Variants in TMIE observed in about 807,000 individuals in gnomAD.
TMIE encodes transmembrane inner ear expressed protein.
Under a neutral mutation model 16.8 loss-of-function variants are expected in TMIE, and 14 were observed. The ratio of observed to expected loss-of-function variants is 0.83; its 90% CI spans 0.55 to 1.30. The LOEUF (loss-of-function observed/expected upper bound fraction) is 1.30. TMIE is among the 50% of genes most tolerant of loss of function. The pLI is 0.00. For missense variants in TMIE, 204 were observed against 205.9 expected (o/e 0.99, Z 0.06); for synonymous variants, 75 against 87.2 (o/e 0.86, Z 0.78).
In TMIE at chr3:46,710,600, C is replaced by G. The variant is rs1315291364; in HGVS notation, c.*912C>G. On this transcript the variant is annotated 3_prime_UTR_variant, in exon 4 of 4. Coordinates refer to ENST00000643606, the MANE Select transcript of TMIE (RefSeq NM_147196.3). ...CCCTAGAAGATCACAGCAGGGCCTTCTGCCTGCTGACCATAACAGTGCCAG... is the reference window on the plus strand; with the variant it reads ...CCCTAGAAGATCACAGCAGGGCCTTGTGCCTGCTGACCATAACAGTGCCAG... 2 of 152,276 alleles carry G rather than the reference C, an allele frequency of 1.3e-5. No homozygotes were observed. The allele number at this position is 152,276 out of a possible 1,614,324, so 9.4% of individuals were successfully genotyped here.
At chr3:46,699,379 T>G (rs1337146380), upstream of TMIE, among the ~76,000 whole-genome samples, 1 of 152,200 alleles carries the variant, frequency 6.6e-6, no homozygotes, top group East Asian at 1.9e-4. Context: ...CTAAATGGTG[T>G]TTCTCATACA....
At chr3:46,695,423 G>A (rs1700392161) in intron 1 of TMIE, among the ~76,000 whole-genome samples, 2 of 152,174 alleles carry the variant, frequency 1.3e-5, no homozygotes, top group Non-Finnish European at 1.5e-5. Context: ...CCTCCTTCTC[G>A]GGGTTATGTG....
upstream of TMIE, among the ~76,000 whole-genome samples, chr3:46,697,748 A>T (rs1700423460): frequency 6.6e-6 from 1 of 151,966 alleles, no homozygotes. Flanking sequence ...AATCTGTGGG[A>T]TCTGACACTA....
chr3:46,701,034 C>A (rs1300787256), upstream of TMIE, among the ~76,000 whole-genome samples: 1 of 151,770 alleles, frequency 6.6e-6, no homozygotes, highest in Non-Finnish European at 1.5e-5. This position sits in a 1 kb window ranked among gnomAD's most constrained non-coding sequence, Gnocchi z 4.3. Context: ...CCGCTCTGCC[C>A]CCCCCCCAAA....
At chr3:46,693,872 C>T (rs1700326964), upstream of TMIE, among the ~76,000 whole-genome samples, 1 of 152,112 alleles carries the variant, frequency 6.6e-6, no homozygotes, top group East Asian at 1.9e-4. Flanking sequence ...CCTGAGGCCT[C>T]CCTCTGGCGT....
Position 46,709,849 on chromosome 3 carries a change from A to G in TMIE, c.*161A>G. The G allele has an allele frequency of 6.9e-7, 1 of 1,447,342 alleles. No individual in the cohort carries two copies. Among genetic ancestry groups the G allele is most frequent in the Non-Finnish European group, 9.4e-7 (1 of 1,065,262 alleles). 89.7% of individuals were successfully genotyped at this position (1,447,342 alleles called of 1,614,324 possible). A position where few individuals can be genotyped will look rare whatever the true frequency, so the allele number is the denominator to read the frequency against. On this transcript the variant is annotated 3_prime_UTR_variant, in exon 4 of 4. Coordinates refer to ENST00000643606, the MANE Select transcript of TMIE (RefSeq NM_147196.3). ...TCCTCATGGCCCATCAGGGGCAGGA[A>G]CCAGACAATCTCGTAGGTGTCCTGC... is the stretch of plus-strand genomic sequence containing the variant.
chr3:46,697,420 C>T (rs1700420707), upstream of TMIE, among the ~76,000 whole-genome samples: 1 of 152,234 alleles, frequency 6.6e-6, no homozygotes, highest in Non-Finnish European at 1.5e-5. Flanking sequence ...CCCAAGAGGA[C>T]AGGGTTCAGA....
chr3:46,709,552 A>G, intron 3 of TMIE, 27 bp from the exon 4 acceptor site: 1 of 1,613,014 alleles, frequency 6.2e-7, no homozygotes, highest in Non-Finnish European at 8.5e-7. Context: ...CACCACTATC[A>G]CATGGTCTCT....
upstream of TMIE, among the ~76,000 whole-genome samples, chr3:46,699,864 C>T (rs76140870): frequency 1.4e-3 from 209 of 152,326 alleles, no homozygotes; most frequent in Non-Finnish European, 2.2e-3. Context: ...TTCATATCAT[C>T]CTCACATCAA....
At chr3:46,703,102 C>T (rs544437815) in intron 1 of TMIE, among the ~76,000 whole-genome samples, 1 of 152,208 alleles carries the variant, frequency 6.6e-6, no homozygotes, top group South Asian at 2.1e-4. Flanking sequence ...TCTTCCCTCA[C>T]GGAAGCACCA....
rs559640559 is a variant in TMIE at position 46,710,001 on chromosome 3, C to T, written c.*313C>T. ...CACCCAGACCTGCCTGTCTCCCACC[C>T]TTTCTGCCAGGGATGGCAGTGGCTG... On this transcript the variant is annotated 3_prime_UTR_variant, in exon 4 of 4. Coordinates refer to ENST00000643606, the MANE Select transcript of TMIE (RefSeq NM_147196.3). 3.6e-4 allele frequency: 159 copies of T among 441,370 alleles called. No individual in the cohort carries two copies. The highest frequency in any genetic ancestry group is 2.9e-3 in the African/African-American group (144 of 50,042). 27.3% of individuals were successfully genotyped at this position (441,370 alleles called of 1,614,324 possible).
chr3:46,707,857 G>T (rs766421781), intron 2 of TMIE, among the ~76,000 whole-genome samples: 1 of 152,222 alleles, frequency 6.6e-6, no homozygotes, highest in Non-Finnish European at 1.5e-5. Flanking sequence ...CTGGTGGGGT[G>T]GCTAGAAGAG....
intron 2 of TMIE, among the ~76,000 whole-genome samples, chr3:46,706,477 TC>T (rs1461801963): frequency 2.6e-5 from 4 of 152,038 alleles, no homozygotes; most frequent in African/African-American, 9.7e-5. Context: ...CCCTTAGCCC[TC>T]CCCTCAGAAT....
chr3:46,706,134 A>G lies in TMIE; in HGVS notation c.211+227A>G, dbSNP rs1468713873. Among the ~76,000 whole-genome samples, 3 of 152,224 alleles carry G rather than the reference A, an allele frequency of 2.0e-5. No homozygotes were observed. In the East Asian group the frequency reaches 5.8e-4, roughly 29 times the overall value. On this transcript the variant is annotated intron_variant, in intron 2 of 3. Transcript: ENST00000643606. ...CTGCAGGACCCAGGGAGGTAGCCAC[A>G]TGGCAATTATGGTAATTACAGGGAA...
At chr3:46,706,038 G>A in intron 2 of TMIE, 131 bp downstream of exon 2, 1 of 941,480 alleles carries the variant, frequency 1.1e-6, no homozygotes, top group South Asian at 1.3e-5. Flanking sequence ...ACCCGCGGTG[G>A]TTTCTGGCAC....
chr3:46,697,963 G>A (rs149931701), upstream of TMIE, among the ~76,000 whole-genome samples: 265 of 152,252 alleles, frequency 1.7e-3, no homozygotes, highest in African/African-American at 6.2e-3. Flanking sequence ...TCGCCTTAAC[G>A]TGGTGTTTAA....
In TMIE at chr3:46,709,763, G is replaced by A; in HGVS notation, c.*75G>A. ...CCGGGGTCCAGGCATGTTGGACTCTGAGCTCATTTGGGGACCACAGAGGCT... is the reference window on the plus strand; with the variant it reads ...CCGGGGTCCAGGCATGTTGGACTCTAAGCTCATTTGGGGACCACAGAGGCT... On this transcript the variant is annotated 3_prime_UTR_variant, in exon 4 of 4. Coordinates refer to ENST00000643606, the MANE Select transcript of TMIE (RefSeq NM_147196.3). 1 of 1,600,130 alleles carries A rather than the reference G, an allele frequency of 6.2e-7. No individual in the cohort carries two copies. The highest frequency in any genetic ancestry group is 2.2e-5 in the East Asian group (1 of 44,530).
chr3:46,703,953 C>T (rs1575468547), intron 1 of TMIE, among the ~76,000 whole-genome samples: 1 of 152,178 alleles, frequency 6.6e-6, no homozygotes, highest in African/African-American at 2.4e-5. Context: ...CCAGGGTTCT[C>T]TCTCCCTCAG....
chr3:46,705,732 A>G (rs1365571961), intron 1 of TMIE, 58 bp from the exon 2 acceptor site: 1 of 1,500,454 alleles, frequency 6.7e-7, no homozygotes. Flanking sequence ...GGCCCTTCTC[A>G]GCTGGTTCCA....
Sources: gnomAD v4.1 joint callset for allele counts (sites outside exome capture counted in the v4.1 genomes callset) on GRCh38, gnomAD v4.1.1 for gene constraint, Gnocchi (gnomAD v3.1) non-coding constraint, MANE v1.5 for transcripts, NCBI Gene and HGNC (gene_info 2026-07-23, HGNC 2026-07-21) for gene names.